NTRK2: variants seen among roughly 807,000 people sequenced by gnomAD.
The protein encoded by NTRK2 is BDNF/NT-3 growth factors receptor.
In NTRK2, 13 loss-of-function variants were observed where a neutral mutation model predicts 94.5. The observed-to-expected ratio is 0.14, with a 90% CI of 0.09 to 0.22. The LOEUF is 0.22. Ranked by LOEUF, NTRK2 falls within the 10% of genes least tolerant of loss-of-function variation. The probability of loss-of-function intolerance (pLI) is 1.00; values close to 1 mark genes in which losing one functional copy is unlikely to be tolerated. For synonymous variants in NTRK2, 372 were observed against 407.4 expected, an observed-to-expected ratio of 0.91 and a Z score of 1.05; for missense variants, 639 against 1,071.2, an observed-to-expected ratio of 0.60 and a Z score of 5.63.
In NTRK2 at chr9:84,670,620, G is replaced by A. The variant is rs567772988; in HGVS notation, c.-129G>A. The A allele has an allele frequency of 5.5e-6, 5 of 915,802 alleles. No homozygotes were observed. In the African/African-American group the frequency reaches 8.1e-5, roughly 15 times the overall value. 56.7% of individuals were successfully genotyped at this position (915,802 alleles called of 1,614,324 possible). On this transcript the variant is annotated 5_prime_UTR_variant, in exon 2 of 19. Coordinates refer to ENST00000277120, the MANE Select transcript of NTRK2 (RefSeq NM_006180.6). ...GCTCAGCCTCTGATAAGCTGGACTC[G>A]GCACGCCCGCAACAAGCACCGAGGA...
intron 9 of NTRK2, among the ~76,000 whole-genome samples, chr9:84,738,700 C>T (rs1484674406): frequency 6.6e-6 from 1 of 152,124 alleles, no homozygotes; most frequent in Non-Finnish European, 1.5e-5. Context: ...GCCAGTCTAA[C>T]TAAACCTTTG....
chr9:84,895,584 G>A (rs61117007), intron 14 of NTRK2, among the ~76,000 whole-genome samples: 16,754 of 152,164 alleles, frequency 0.11, 1,396 homozygotes, highest in African/African-American at 0.22. Context: ...GTTTTAAACC[G>A]GTTCTTATTA....
chr9:84,986,043 A>G (rs1828247786), intron 17 of NTRK2, among the ~76,000 whole-genome samples: 1 of 152,150 alleles, frequency 6.6e-6, no homozygotes, highest in African/African-American at 2.4e-5. Flanking sequence ...TTGTAGAACA[A>G]CCTCTCAGAG....
At chr9:84,933,789 C>T (rs1293422785) in intron 14 of NTRK2, among the ~76,000 whole-genome samples, 1 of 152,212 alleles carries the variant, frequency 6.6e-6, no homozygotes, top group Admixed American at 6.5e-5. Flanking sequence ...CTCTGCTTTG[C>T]CCTGCTGGAC....
chr9:84,824,995 T>TG (rs1042742659), intron 12 of NTRK2, among the ~76,000 whole-genome samples: 1 of 151,342 alleles, frequency 6.6e-6, no homozygotes, highest in African/African-American at 2.4e-5. Flanking sequence ...AGATCAGTTT[T>TG]TTTTTTTTTT....
rs1027626988 is a variant in NTRK2 at position 84,782,100 on chromosome 9, G to T, written c.1396+30015G>T. Among the ~76,000 whole-genome samples the T allele has an allele frequency of 5.2e-4, 79 of 151,140 alleles. 4 individuals carry two copies. Among genetic ancestry groups the T allele is most frequent in the Non-Finnish European group, 4.4e-5 (3 of 67,950 alleles). ...CACACCCACAAACAAACACGTCAGT[G>T]GGTGAGAGGAGCAGGTTTTGGGATT... On this transcript the variant is annotated intron_variant, in intron 12 of 18. Coordinates refer to ENST00000277120, the MANE Select transcript of NTRK2 (RefSeq NM_006180.6).
chr9:84,870,097 CTATATATATATA>C (rs67434914), intron 14 of NTRK2, among the ~76,000 whole-genome samples: 1 of 99,688 alleles, frequency 1.0e-5, no homozygotes, highest in African/African-American at 4.1e-5. Context: ...TTCCCATTGA[CTATATATATATA>C]TATATATATA....
chr9:84,730,467 G>A (rs145982077), intron 9 of NTRK2, among the ~76,000 whole-genome samples: 4,044 of 148,542 alleles, frequency 0.027, 254 homozygotes, highest in Non-Finnish European at 0.042. Flanking sequence ...TAGGCCGGGC[G>A]CGGTGGCTCA....
intron 12 of NTRK2, among the ~76,000 whole-genome samples, chr9:84,794,689 A>T (rs1401517475): frequency 6.6e-6 from 1 of 152,190 alleles, no homozygotes. Flanking sequence ...GAGCTTTATA[A>T]TTATGGTAGA....
chr9:84,926,106 T>TTCCTTTCCTTCC (rs1564470625), intron 14 of NTRK2, among the ~76,000 whole-genome samples: 1 of 108,782 alleles, frequency 9.2e-6, no homozygotes, highest in African/African-American at 3.9e-5. Context: ...CCTTCCTTCC[T>TTCCTTTCCTTCC]TTCCTTCCTT....
intron 17 of NTRK2, among the ~76,000 whole-genome samples, chr9:85,016,593 T>A (rs1483350269): frequency 6.6e-6 from 1 of 152,210 alleles, no homozygotes; most frequent in Non-Finnish European, 1.5e-5. Flanking sequence ...CAGTGTGTTG[T>A]TTGTGTGGTC....
intron 12 of NTRK2, among the ~76,000 whole-genome samples, chr9:84,855,109 G>A (rs1295208117): frequency 3.3e-5 from 5 of 152,160 alleles, no homozygotes; most frequent in Non-Finnish European, 4.4e-5. Context: ...TGTCATGAGA[G>A]ACTCTGTAGT....
chr9:84,691,899 A>C (rs2060072809), intron 2 of NTRK2, among the ~76,000 whole-genome samples: 1 of 152,186 alleles, frequency 6.6e-6, no homozygotes, highest in Non-Finnish European at 1.5e-5. Flanking sequence ...TGAGCCTGCC[A>C]GGATGAATTA....
intron 14 of NTRK2, among the ~76,000 whole-genome samples, chr9:84,926,169 C>CTTGCTTTCTTTCTTT (rs2077789303): frequency 2.6e-4 from 10 of 38,514 alleles, no homozygotes; most frequent in African/African-American, 8.3e-4. Flanking sequence ...TTCCTTCCTT[C>CTTGCTTTCTTTCTTT]CTTTCTTTCT....
chr9:84,873,870 A>T lies in NTRK2; in HGVS notation c.1633+6439A>T, dbSNP rs201436321. On this transcript the variant is annotated intron_variant, in intron 14 of 18. Coordinates refer to ENST00000277120, the MANE Select transcript of NTRK2 (RefSeq NM_006180.6). The stretch of plus-strand genomic sequence containing the variant: ...CTAAGCTTGGTGTCTGAAAAGAAAA[A>T]CAAAAATAAAGATTATGGATTTAGG... The T allele has an allele frequency of 5.9e-5, 63 of 1,060,464 alleles. 1 individual carries two copies. In the African/African-American group the frequency reaches 9.4e-4, roughly 16 times the overall value. The allele number at this position is 1,060,464 out of a possible 1,614,324, so 65.7% of individuals were successfully genotyped here.
At chr9:84,872,579 G>A (rs919357350) in intron 14 of NTRK2, 37 of 1,063,906 alleles carry the variant, frequency 3.5e-5, no homozygotes, top group Non-Finnish European at 3.8e-5. Context: ...ACTCCCTGTG[G>A]CAGAGGCATG....
chr9:84,825,677 C>T (rs2073141644), intron 12 of NTRK2, among the ~76,000 whole-genome samples: 1 of 152,228 alleles, frequency 6.6e-6, no homozygotes, highest in Non-Finnish European at 1.5e-5. Context: ...TGTTACCTAT[C>T]TTCCCACCCT....
At chr9:84,810,736 A>G (rs1352337792) in intron 12 of NTRK2, 2 of 1,525,172 alleles carry the variant, frequency 1.3e-6, no homozygotes, top group African/African-American at 1.4e-5. Flanking sequence ...AGGCTGTACT[A>G]TATGAAGCCT....
intron 12 of NTRK2, chr9:84,813,186 G>A: frequency 9.5e-7 from 1 of 1,048,128 alleles, no homozygotes; most frequent in Non-Finnish European, 1.2e-6. Flanking sequence ...TGCCAGGCAG[G>A]TCTCCTAAAT....
Sources: allele counts gnomAD v4.1 joint callset (sites outside exome capture counted in the v4.1 genomes callset), GRCh38; gene constraint gnomAD v4.1.1; transcripts MANE v1.5; gene names NCBI Gene and HGNC (gene_info 2026-07-23, HGNC 2026-07-21).